IGF1R: variants seen among roughly 807,000 people sequenced by gnomAD.
The protein encoded by IGF1R is insulin-like growth factor 1 receptor.
IGF1R carries 44 observed loss-of-function variants against 144.6 expected under a neutral mutation model. The ratio of observed to expected loss-of-function variants is 0.30; its 90% CI spans 0.24 to 0.39. The LOEUF (loss-of-function observed/expected upper bound fraction) is 0.39, where lower values mean the gene tolerates loss of function less well. Among genes scored for constraint, IGF1R ranks in the 10% least tolerant of loss-of-function variants. The pLI is 1.00. For missense variants in IGF1R, 1,355 were observed against 1,833.7 expected, an observed-to-expected ratio of 0.74 and a Z score of 4.77; for synonymous variants, 795 against 722.8, an observed-to-expected ratio of 1.10 and a Z score of -1.60.
chr15:98,823,783 G>A (rs778146799), intron 2 of IGF1R, among the ~76,000 whole-genome samples: 6 of 152,048 alleles, frequency 3.9e-5, no homozygotes, highest in Non-Finnish European at 7.4e-5. Context: ...CCCATTTTCT[G>A]TTTGTGATCC....
Position 98,963,496 on chromosome 15 carries a change from A to AAC in IGF1R, c.*6056_*6057dup, listed in dbSNP as rs918582094. On this transcript the variant is annotated 3_prime_UTR_variant, in exon 21 of 21. Transcript: ENST00000650285. ...TGGAAAGAACCTCATTGGCCATGGA[A>AAC]ACAGCCGAGGTGTTGGAGCCCAGCA... 51 of 233,208 alleles carry AAC rather than the reference A, an allele frequency of 2.2e-4. No homozygotes were observed. The highest frequency in any genetic ancestry group is 9.3e-4 in the African/African-American group (42 of 45,356). 14.4% of individuals were successfully genotyped at this position (233,208 alleles called of 1,614,324 possible). A position where few individuals can be genotyped will look rare whatever the true frequency, so the allele number is the denominator to read the frequency against.
At chr15:98,780,986 G>C (rs1256832172) in intron 2 of IGF1R, among the ~76,000 whole-genome samples, 1 of 152,138 alleles carries the variant, frequency 6.6e-6, no homozygotes, top group Non-Finnish European at 1.5e-5. Context: ...GCCGGGAGTC[G>C]TGGCATACAA....
At chr15:98,858,866 A>G (rs1298107575) in intron 2 of IGF1R, among the ~76,000 whole-genome samples, 1 of 152,318 alleles carries the variant, frequency 6.6e-6, no homozygotes, top group Non-Finnish European at 1.5e-5. Context: ...GGGACCAGCT[A>G]TGTTTGAAGG....
At chr15:98,873,937 T>C (rs1187253884) in intron 2 of IGF1R, 1 of 152,252 alleles carries the variant, frequency 6.6e-6, no homozygotes, top group African/African-American at 2.4e-5. Flanking sequence ...TTTCCCTAAA[T>C]GTATGCTCCG....
At chr15:98,661,110 G>A (rs2052588349) in intron 1 of IGF1R, among the ~76,000 whole-genome samples, 1 of 152,038 alleles carries the variant, frequency 6.6e-6, no homozygotes, top group South Asian at 2.1e-4. Context: ...GGGAGATGTG[G>A]TTGGAACAAG....
At chr15:98,690,751 A>G (rs773508710) in intron 1 of IGF1R, among the ~76,000 whole-genome samples, 3 of 152,164 alleles carry the variant, frequency 2.0e-5, no homozygotes, top group African/African-American at 4.8e-5. Context: ...GGAAGGAACT[A>G]CTGGCCCATC....
chr15:98,804,997 C>T (rs1189257367), intron 2 of IGF1R, among the ~76,000 whole-genome samples: 1 of 152,180 alleles, frequency 6.6e-6, no homozygotes, highest in African/African-American at 2.4e-5. Context: ...CTCCCGGCCG[C>T]TGCAGAGAAT....
chr15:98,770,267 C>T (rs1050964938), intron 2 of IGF1R, among the ~76,000 whole-genome samples: 1 of 152,082 alleles, frequency 6.6e-6, no homozygotes, highest in African/African-American at 2.4e-5. Flanking sequence ...CGTGTTCTCA[C>T]GTATACGTGG....
At chr15:98,890,268 AG>A (rs1476541839) in intron 2 of IGF1R, 3 of 152,238 alleles carry the variant, frequency 2.0e-5, no homozygotes, top group Non-Finnish European at 4.4e-5. Flanking sequence ...ATGAGGTTAA[AG>A]GTCAGCACAA....
chr15:98,964,280 ATAAATTATTCC>A lies in IGF1R; in HGVS notation c.*6843_*6853del, dbSNP rs1469520173. 2 of 232,496 alleles carry A rather than the reference ATAAATTATTCC, an allele frequency of 8.6e-6. No homozygotes were observed. Among genetic ancestry groups the A allele is most frequent in the Non-Finnish European group, 8.5e-6 (1 of 117,474 alleles). 14.4% of individuals were successfully genotyped at this position (232,496 alleles called of 1,614,324 possible). A position where few individuals can be genotyped will look rare whatever the true frequency, so the allele number is the denominator to read the frequency against. On this transcript the variant is annotated 3_prime_UTR_variant, in exon 21 of 21. Coordinates refer to ENST00000650285, the MANE Select transcript of IGF1R (RefSeq NM_000875.5). ...TGTTACATAAAATGACTTTCTGTGT[ATAAATTATTCC>A]TAAAAAATCCTGTTTATATAAAAAA...
In IGF1R at chr15:98,958,306, C is replaced by A; in HGVS notation, c.*864C>A. 1 of 228,544 alleles carries A rather than the reference C, an allele frequency of 4.4e-6. No individual in the cohort carries two copies. The allele number at this position is 228,544 out of a possible 1,614,324, so 14.2% of individuals were successfully genotyped here. A position where few individuals can be genotyped will look rare whatever the true frequency, so the allele number is the denominator to read the frequency against. On this transcript the variant is annotated 3_prime_UTR_variant, in exon 21 of 21. Coordinates refer to ENST00000650285, the MANE Select transcript of IGF1R (RefSeq NM_000875.5). ...GCTTCCCTGCCCTGCCTCCCCAGCC[C>A]CCTGCCCAACCCCCAAGAATCTGGT...
chr15:98,858,039 C>T (rs1005152603), intron 2 of IGF1R, among the ~76,000 whole-genome samples: 13 of 152,150 alleles, frequency 8.5e-5, no homozygotes, highest in African/African-American at 2.7e-4. Context: ...ACAAGCAAGT[C>T]GTCTTCTGTA....
chr15:98,921,172 G>T (rs2015469056), intron 10 of IGF1R, among the ~76,000 whole-genome samples: 1 of 152,198 alleles, frequency 6.6e-6, no homozygotes, highest in South Asian at 2.1e-4. Context: ...TTCGTCCATG[G>T]CTGACCTGAG....
At chr15:98,878,403 T>C (rs1016767845) in intron 2 of IGF1R, among the ~76,000 whole-genome samples, 3 of 152,216 alleles carry the variant, frequency 2.0e-5, no homozygotes, top group African/African-American at 7.2e-5. Context: ...CCACTTTAGT[T>C]AGTCATGGAG....
At position 98,964,080 on chromosome 15, in the gene IGF1R, G is replaced by C. The variant is rs987977005; in HGVS notation, c.*6638G>C. On this transcript the variant is annotated 3_prime_UTR_variant, in exon 21 of 21. Coordinates refer to ENST00000650285, the MANE Select transcript of IGF1R (RefSeq NM_000875.5). Reference sequence around the variant, plus strand: ...TGCTTTCTAAGCCAGTGAGGTTGAGGTGAGAGGTTTGCCAGAGTTTGTCTA... The same window carrying C: ...TGCTTTCTAAGCCAGTGAGGTTGAGCTGAGAGGTTTGCCAGAGTTTGTCTA... 1 of 233,198 alleles carries C rather than the reference G, an allele frequency of 4.3e-6. No homozygotes were observed. The highest frequency in any genetic ancestry group is 8.5e-6 in the Non-Finnish European group (1 of 117,836). The allele number at this position is 233,198 out of a possible 1,614,324, so 14.4% of individuals were successfully genotyped here. A position where few individuals can be genotyped will look rare whatever the true frequency, so the allele number is the denominator to read the frequency against.
At chr15:98,790,715 T>C (rs2056109366) in intron 2 of IGF1R, among the ~76,000 whole-genome samples, 1 of 152,168 alleles carries the variant, frequency 6.6e-6, no homozygotes, top group African/African-American at 2.4e-5. Flanking sequence ...AAAACAAAAT[T>C]AACGGCATTA....
At chr15:98,881,747 GCT>G (rs1218922788) in intron 2 of IGF1R, among the ~76,000 whole-genome samples, 1 of 152,208 alleles carries the variant, frequency 6.6e-6, no homozygotes, top group Admixed American at 6.5e-5. Flanking sequence ...CAGTGTAACA[GCT>G]GTGTGCTCTT....
chr15:98,872,375 C>T (rs915773749), intron 2 of IGF1R, among the ~76,000 whole-genome samples: 13 of 152,234 alleles, frequency 8.5e-5, no homozygotes, highest in African/African-American at 3.1e-4. Flanking sequence ...ACCCACTTCC[C>T]AGCACGTTAT....
intron 7 of IGF1R, among the ~76,000 whole-genome samples, chr15:98,912,063 T>C (rs909596054): frequency 2.0e-5 from 3 of 152,210 alleles, no homozygotes; most frequent in African/African-American, 7.2e-5. Context: ...AGCCGAGGCT[T>C]ATTCCTCCCG....
Sources: allele counts gnomAD v4.1 joint callset (sites outside exome capture counted in the v4.1 genomes callset), GRCh38; gene constraint gnomAD v4.1.1; transcripts MANE v1.5; gene names NCBI Gene and HGNC (gene_info 2026-07-23, HGNC 2026-07-21).